The following MAGI1 variants were observed in gnomAD, a reference collection of about 807,000 sequenced individuals.
MAGI1 encodes membrane associated guanylate kinase, WW and PDZ domain containing 1.
In MAGI1, 58 loss-of-function variants were observed where a neutral mutation model predicts 139.9. The ratio of observed to expected loss-of-function variants is 0.41; its 90% confidence interval spans 0.34 to 0.52. The LOEUF (loss-of-function observed/expected upper bound fraction) is 0.52. MAGI1 is among the 20% of genes least tolerant of loss of function. MAGI1 has a pLI of 0.12. For missense variants in MAGI1, 1,874 were observed against 1,901.6 expected (o/e 0.99, Z 0.27); for synonymous variants, 812 against 737.9 (o/e 1.10, Z -1.63).
intron 1 of MAGI1, among the ~76,000 whole-genome samples, chr3:65,668,654 C>T (rs1336058661): frequency 6.7e-6 from 1 of 149,044 alleles, no homozygotes; most frequent in Non-Finnish European, 1.5e-5. Context: ...GCAACCTCTG[C>T]CCCCTAGGTT....
intron 1 of MAGI1, among the ~76,000 whole-genome samples, chr3:65,788,192 T>G (rs2039523695): frequency 6.6e-6 from 1 of 152,220 alleles, no homozygotes; most frequent in Non-Finnish European, 1.5e-5. Flanking sequence ...GACTAGCAAG[T>G]CACACATATG....
At chr3:65,872,434 ATTTCTC>A (rs1453497842) in intron 1 of MAGI1, among the ~76,000 whole-genome samples, 1 of 152,050 alleles carries the variant, frequency 6.6e-6, no homozygotes, top group South Asian at 2.1e-4. Flanking sequence ...ACCTTCATCA[ATTTCTC>A]TTTCTCTTTC....
At chr3:65,367,019 T>C (rs539986193) in intron 18 of MAGI1, among the ~76,000 whole-genome samples, 2 of 152,328 alleles carry the variant, frequency 1.3e-5, no homozygotes, top group South Asian at 2.1e-4. Flanking sequence ...ACAAGCTGTA[T>C]AGCCCATCGC....
intron 1 of MAGI1, among the ~76,000 whole-genome samples, chr3:65,935,777 A>T (rs1434303900): frequency 6.6e-6 from 1 of 152,234 alleles, no homozygotes; most frequent in Non-Finnish European, 1.5e-5. Flanking sequence ...TGCTTTTGAA[A>T]TGCTGCCCTG....
At chr3:65,767,073 G>A (rs2037546886) in intron 1 of MAGI1, among the ~76,000 whole-genome samples, 1 of 152,024 alleles carries the variant, frequency 6.6e-6, no homozygotes, top group South Asian at 2.1e-4. Flanking sequence ...TAGGTAGCAG[G>A]AATGACAGAA....
chr3:65,636,433 C>A (rs2084622825), intron 1 of MAGI1, among the ~76,000 whole-genome samples: 1 of 152,118 alleles, frequency 6.6e-6, no homozygotes, highest in Non-Finnish European at 1.5e-5. Context: ...AGTCTTCCAG[C>A]TGCTATTCAA....
intron 2 of MAGI1, among the ~76,000 whole-genome samples, chr3:65,510,243 G>A (rs1410897951): frequency 1.3e-5 from 2 of 152,250 alleles, no homozygotes; most frequent in Admixed American, 6.5e-5. Context: ...AAAACGCAGA[G>A]CGCCTCTCCT....
chr3:66,006,444 T>C (rs1351467939), intron 1 of MAGI1, among the ~76,000 whole-genome samples: 4 of 152,222 alleles, frequency 2.6e-5, no homozygotes, highest in Admixed American at 1.3e-4. Context: ...CATATAGGTA[T>C]ACATGTATAT....
intron 1 of MAGI1, among the ~76,000 whole-genome samples, chr3:65,878,202 C>T (rs2060190363): frequency 6.6e-6 from 1 of 152,062 alleles, no homozygotes; most frequent in Admixed American, 6.6e-5. Context: ...TTCCAGGCTT[C>T]AAGTCAAAAG....
At chr3:65,855,660 A>C (rs191871099) in intron 1 of MAGI1, among the ~76,000 whole-genome samples, 40 of 136,140 alleles carry the variant, frequency 2.9e-4, no homozygotes, top group Non-Finnish European at 4.9e-4. Context: ...GAGAGAAAGG[A>C]AAAAAAGAGA....
chr3:65,529,812 A>G (rs2078557131), intron 2 of MAGI1, among the ~76,000 whole-genome samples: 1 of 147,950 alleles, frequency 6.8e-6, no homozygotes, highest in Admixed American at 6.6e-5. Context: ...GTATATACAC[A>G]TATAATATAT....
intron 1 of MAGI1, among the ~76,000 whole-genome samples, chr3:65,637,720 C>T (rs759909624): frequency 1.3e-5 from 2 of 151,996 alleles, no homozygotes; most frequent in Non-Finnish European, 2.9e-5. Context: ...GGCTGTTGTG[C>T]GAAAGGCAGC....
chr3:65,431,058 G>A (rs960078583), intron 10 of MAGI1, among the ~76,000 whole-genome samples, 177 bp from the exon 11 acceptor site: 3 of 152,160 alleles, frequency 2.0e-5, no homozygotes, highest in African/African-American at 7.2e-5. Flanking sequence ...CTAGGCCCCA[G>A]TGTTGATGGA....
Position 65,968,793 on chromosome 3 carries a change from C to T in MAGI1, c.313+69203G>A, listed in dbSNP as rs944585943. On this transcript the variant is annotated intron_variant, in intron 1 of 22. Coordinates refer to ENST00000402939, the MANE Select transcript of MAGI1 (RefSeq NM_001033057.2). The stretch of plus-strand genomic sequence containing the variant: ...TTTCTCACTTTAAATTACATATATA[C>T]GAATATTCTACATAAGACCATTTAA... Among the ~76,000 whole-genome samples, 9 of 151,892 alleles carry T rather than the reference C, an allele frequency of 5.9e-5. No individual in the cohort carries two copies. The South Asian group carries it at 1.0e-3, about 18-fold the overall frequency.
intron 1 of MAGI1, among the ~76,000 whole-genome samples, chr3:65,833,683 A>G (rs2108305653): frequency 6.6e-6 from 1 of 152,324 alleles, no homozygotes; most frequent in South Asian, 2.1e-4. Flanking sequence ...TTGTTGTGTT[A>G]TTACAACCAA....
At chr3:66,025,709 T>C (rs1182215748) in intron 1 of MAGI1, among the ~76,000 whole-genome samples, 1 of 152,162 alleles carries the variant, frequency 6.6e-6, no homozygotes, top group Non-Finnish European at 1.5e-5. Context: ...TGTGTGTGTG[T>C]CTGTGTGTGT....
At chr3:65,988,489 G>A (rs2065998837) in intron 1 of MAGI1, among the ~76,000 whole-genome samples, 2 of 152,162 alleles carry the variant, frequency 1.3e-5, no homozygotes, top group Non-Finnish European at 2.9e-5. Flanking sequence ...GTAGAGATGT[G>A]CCACTTCCAG....
chr3:65,535,777 A>C (rs922661979), intron 2 of MAGI1, among the ~76,000 whole-genome samples: 1 of 152,246 alleles, frequency 6.6e-6, no homozygotes, highest in African/African-American at 2.4e-5. Context: ...CTTAAAATAG[A>C]GATCAGTTAG....
At position 65,694,213 on chromosome 3, in the gene MAGI1, T is replaced by TA. The variant is rs199689112; in HGVS notation, c.314-72126dup. 2.7e-3 allele frequency among the ~76,000 whole-genome samples: 418 copies of TA among 152,220 alleles called. 14 individuals are homozygous for TA. In the South Asian group the frequency reaches 0.055, roughly 20 times the overall value. On this transcript the variant is annotated intron_variant, in intron 1 of 22. Coordinates refer to ENST00000402939, the MANE Select transcript of MAGI1 (RefSeq NM_001033057.2). ...ATTCTGTAATACACTCAAACTCCTT[T>TA]AAAAAAGGTTATATCTAAGCCATAG...
Sources: gnomAD v4.1 joint callset for allele counts (sites outside exome capture counted in the v4.1 genomes callset) on GRCh38, gnomAD v4.1.1 for gene constraint, MANE v1.5 for transcripts, NCBI Gene and HGNC (gene_info 2026-07-23, HGNC 2026-07-21) for gene names.